Variants in PDSS2 observed in about 807,000 individuals in gnomAD.
PDSS2 encodes decaprenyl diphosphate synthase subunit 2, also known as all trans-polyprenyl-diphosphate synthase PDSS2.
In PDSS2, 31 loss-of-function variants were observed where a neutral mutation model predicts 44.5. That is an observed-to-expected ratio of 0.70 (90% CI 0.52 to 0.94). The LOEUF is 0.94. Among genes scored for constraint, PDSS2 ranks in the 40% least tolerant of loss-of-function variants. The pLI is 0.00. For synonymous variants in PDSS2, 157 were observed against 180.3 expected (o/e 0.87, Z 1.03); for missense variants, 452 against 482.2 (o/e 0.94, Z 0.59).
At chr6:107,437,798 T>C (rs749349779) in intron 1 of PDSS2, among the ~76,000 whole-genome samples, 3 of 152,194 alleles carry the variant, frequency 2.0e-5, no homozygotes, top group Non-Finnish European at 2.9e-5. Context: ...GTCAACTGTA[T>C]ATGAAATTGT....
chr6:107,416,679 T>C (rs892862345), intron 1 of PDSS2, among the ~76,000 whole-genome samples: 9 of 152,214 alleles, frequency 5.9e-5, no homozygotes, highest in Non-Finnish European at 1.0e-4. Flanking sequence ...TGATAAAGTA[T>C]GTAAATAGAA....
chr6:107,334,906 C>G (rs904605762), intron 1 of PDSS2, among the ~76,000 whole-genome samples: 1 of 151,858 alleles, frequency 6.6e-6, no homozygotes, highest in African/African-American at 2.4e-5. Flanking sequence ...TCTGTAATCC[C>G]AGTGCTTTGG....
intron 1 of PDSS2, among the ~76,000 whole-genome samples, chr6:107,427,203 A>T (rs550900438): frequency 6.6e-6 from 1 of 152,242 alleles, no homozygotes; most frequent in African/African-American, 2.4e-5. Flanking sequence ...GAGTCTCACG[A>T]GATCTGATGT....
At chr6:107,161,863 C>T (rs6931491) in intron 7 of PDSS2, among the ~76,000 whole-genome samples, 40,922 of 152,070 alleles carry the variant, frequency 0.27, 6,313 homozygotes, top group African/African-American at 0.41. Context: ...TTTGTTCTAT[C>T]TATATGTGTG....
chr6:107,390,644 C>T lies in PDSS2; in HGVS notation c.297-56312G>A, dbSNP rs573695482. Among the ~76,000 whole-genome samples, 20 of 152,092 alleles carry T rather than the reference C, an allele frequency of 1.3e-4. No homozygotes were observed. The South Asian group carries it at 4.1e-3, about 32-fold the overall frequency. ...ACCACTGTTGATTTCTTAGTTTTGA[C>T]AAATGTAACATGATTATATCAGATG... On this transcript the variant is annotated intron_variant, in intron 1 of 7. Transcript: ENST00000369037.
chr6:107,210,486 G>T lies in PDSS2; in HGVS notation c.961C>A (p.His321Asn). ...FNLNSAPVVL[H>N]QEFLGRDLWI... ...AAATCTCTTCCAAGAAATTCCTGAT[G>T]TAAGACTACAGGAGCTGAGTTTAGA... The change falls in exon 6 of 8, where the codon CAT (histidine) becomes AAT (asparagine). Residue 321 changes from histidine to asparagine, a missense_variant. By Grantham distance (68) the His-to-Asn change is moderately conservative. Coordinates refer to ENST00000369037, the MANE Select transcript of PDSS2 (RefSeq NM_020381.4). The T allele has an allele frequency of 6.2e-7, 1 of 1,608,674 alleles. No homozygotes were observed. Among genetic ancestry groups the T allele is most frequent in the Non-Finnish European group, 8.5e-7 (1 of 1,175,308 alleles).
At chr6:107,448,500 T>A (rs1781762363) in intron 1 of PDSS2, among the ~76,000 whole-genome samples, 1 of 152,112 alleles carries the variant, frequency 6.6e-6, no homozygotes, top group African/African-American at 2.4e-5. Context: ...CCCAACAAGT[T>A]TCTCATTTCC....
chr6:107,336,155 T>G (rs1187857605), intron 1 of PDSS2, among the ~76,000 whole-genome samples: 1 of 149,232 alleles, frequency 6.7e-6, no homozygotes, highest in African/African-American at 2.5e-5. Context: ...CTCAGGGGGC[T>G]GAGGCAGGAG....
intron 1 of PDSS2, among the ~76,000 whole-genome samples, chr6:107,418,242 GCT>G (rs891856291): frequency 5.3e-5 from 8 of 152,180 alleles, no homozygotes; most frequent in Non-Finnish European, 8.8e-5. Flanking sequence ...CCACAGGGGT[GCT>G]CAAAAGAGGA....
chr6:107,349,639 C>T (rs1384565943), intron 1 of PDSS2, among the ~76,000 whole-genome samples: 1 of 151,870 alleles, frequency 6.6e-6, no homozygotes, highest in Non-Finnish European at 1.5e-5. Flanking sequence ...ATCCCAGCTA[C>T]TAGGGAGGCT....
rs1554256031 is a variant in PDSS2 at position 107,225,137 on chromosome 6, TTA to T, written c.703-12857_703-12856del. On this transcript the variant is annotated intron_variant, in intron 4 of 7. Coordinates refer to ENST00000369037, the MANE Select transcript of PDSS2 (RefSeq NM_020381.4). ...AGGAAGCTTCACTATATATATATTT[TTA>T]TATATATATATATATATATATATTT... is the stretch of plus-strand genomic sequence containing the variant. Among the ~76,000 whole-genome samples the T allele has an allele frequency of 3.1e-3, 194 of 62,356 alleles. 2 individuals carry two copies. Among genetic ancestry groups the T allele is most frequent in the Non-Finnish European group, 4.4e-3 (168 of 38,404 alleles). The allele number at this position is 62,356 out of a possible 152,430, so 40.9% of individuals were successfully genotyped here.
At chr6:107,457,439 T>G (rs1278891698) in intron 1 of PDSS2, among the ~76,000 whole-genome samples, 1 of 152,232 alleles carries the variant, frequency 6.6e-6, no homozygotes, top group African/African-American at 2.4e-5. Context: ...AAAGGTCCTT[T>G]TAGTCCTGGA....
At chr6:107,308,865 T>C (rs546929397) in intron 2 of PDSS2, among the ~76,000 whole-genome samples, 1 of 152,194 alleles carries the variant, frequency 6.6e-6, no homozygotes, top group East Asian at 1.9e-4. Flanking sequence ...CATGGAGTGG[T>C]ATAAAAATGG....
At chr6:107,156,995 C>T (rs1770923542) in intron 7 of PDSS2, among the ~76,000 whole-genome samples, 1 of 152,140 alleles carries the variant, frequency 6.6e-6, no homozygotes, top group Non-Finnish European at 1.5e-5. Context: ...AGTCTTCCCA[C>T]CACCAGGTCT....
chr6:107,180,905 G>A (rs1227333042), intron 7 of PDSS2, among the ~76,000 whole-genome samples: 5 of 152,100 alleles, frequency 3.3e-5, no homozygotes, highest in Non-Finnish European at 7.3e-5. Flanking sequence ...AGGCTGGAAT[G>A]CAGGGGCGCA....
At chr6:107,210,855 T>C (rs1223709672) in intron 5 of PDSS2, among the ~76,000 whole-genome samples, 1 of 106,508 alleles carries the variant, frequency 9.4e-6, no homozygotes, top group African/African-American at 5.1e-5. Context: ...AAAACAAAAA[T>C]TGGGGGGGGT....
At chr6:107,294,917 A>G (rs1416211189) in intron 2 of PDSS2, among the ~76,000 whole-genome samples, 1 of 152,106 alleles carries the variant, frequency 6.6e-6, no homozygotes, top group African/African-American at 2.4e-5. Flanking sequence ...GTCACTAGAC[A>G]CAGGGGTTCT....
intron 1 of PDSS2, among the ~76,000 whole-genome samples, chr6:107,357,263 A>G (rs2114253217): frequency 6.6e-6 from 1 of 152,304 alleles, no homozygotes; most frequent in East Asian, 1.9e-4. Flanking sequence ...CAGGCTATTA[A>G]CTATTATGAG....
At chr6:107,216,409 G>T (rs1773413993) in intron 4 of PDSS2, among the ~76,000 whole-genome samples, 1 of 151,996 alleles carries the variant, frequency 6.6e-6, no homozygotes, top group Non-Finnish European at 1.5e-5. Context: ...GGAGGCAGAG[G>T]TTGCAGTGAG....
Sources: gnomAD v4.1 joint callset for allele counts (sites outside exome capture counted in the v4.1 genomes callset) on GRCh38, gnomAD v4.1.1 for gene constraint, MANE v1.5 for transcripts, NCBI Gene and HGNC (gene_info 2026-07-23, HGNC 2026-07-21) for gene names.